The following PHF24 variants were observed in gnomAD, a reference collection of about 807,000 sequenced individuals.
PHF24 encodes the protein Galpha inhibitory interacting protein.
A neutral mutation model predicts 42.6 loss-of-function variants in PHF24; 25 were observed. The observed-to-expected ratio is 0.59, with a 90% CI of 0.43 to 0.82. The LOEUF is 0.82. Among genes scored for constraint, PHF24 ranks in the 40% least tolerant of loss-of-function variants. PHF24 has a pLI of 0.00. For synonymous variants in PHF24, 185 were observed against 204.8 expected, an observed-to-expected ratio of 0.90 and a Z score of 0.83; for missense variants, 470 against 538.1, an observed-to-expected ratio of 0.87 and a Z score of 1.25.
chr9:34,667,165 C>G, the PHF24 span, among the ~76,000 whole-genome samples: 1 of 152,184 alleles, frequency 6.6e-6, no homozygotes, highest in African/African-American at 2.4e-5. Context: ...AGTCAAGGCC[C>G]AGTACTGAGC....
chr9:34,684,785 A>G, the PHF24 span, among the ~76,000 whole-genome samples: 1 of 152,278 alleles, frequency 6.6e-6, no homozygotes, highest in African/African-American at 2.4e-5. Flanking sequence ...TCTGAGATCA[A>G]AAGCCCTAGG....
chr9:34,691,172 G>T, the PHF24 span: 3 of 1,608,002 alleles, frequency 1.9e-6, no homozygotes, highest in Non-Finnish European at 2.6e-6. Flanking sequence ...AACGGTGAAT[G>T]TGTGAGCGCC....
the PHF24 span, among the ~76,000 whole-genome samples, chr9:34,846,758 T>A: frequency 6.6e-6 from 1 of 152,302 alleles, no homozygotes; most frequent in East Asian, 1.9e-4. Flanking sequence ...CTTTAATCCA[T>A]CTTGAATTAA....
upstream of PHF24, among the ~76,000 whole-genome samples, chr9:34,955,279 T>C (rs1186634946): frequency 1.3e-5 from 2 of 149,466 alleles, no homozygotes; most frequent in African/African-American, 4.9e-5. Flanking sequence ...TCAGACCACC[T>C]CAGAATATTT....
At chr9:34,877,252 G>A in the PHF24 span, among the ~76,000 whole-genome samples, 4 of 146,210 alleles carry the variant, frequency 2.7e-5, no homozygotes, top group South Asian at 8.6e-4. Flanking sequence ...CTGCACTCCA[G>A]CCTGAGCAAC....
chr9:34,723,873 G>A, the PHF24 span: 1 of 1,551,706 alleles, frequency 6.4e-7, no homozygotes, highest in Non-Finnish European at 8.7e-7. Context: ...GGAGGTAGCT[G>A]TGGGAGCTTA....
chr9:34,729,151 A>C, the PHF24 span: 6 of 1,112,086 alleles, frequency 5.4e-6, no homozygotes, highest in African/African-American at 9.5e-5. Context: ...GTCTCTGAGA[A>C]GAAAAGTATT....
chr9:34,943,187 G>GT, the PHF24 span, among the ~76,000 whole-genome samples: 1 of 152,058 alleles, frequency 6.6e-6, no homozygotes, highest in Non-Finnish European at 1.5e-5. Context: ...ATGTGGTACT[G>GT]TTTTTTTGTT....
the PHF24 span, among the ~76,000 whole-genome samples, chr9:34,682,769 C>A: frequency 1.3e-5 from 2 of 152,114 alleles, no homozygotes; most frequent in Non-Finnish European, 2.9e-5. Context: ...AATCATAGGA[C>A]TGTGAATAGG....
the PHF24 span, among the ~76,000 whole-genome samples, chr9:34,735,070 T>G: frequency 6.6e-6 from 1 of 152,112 alleles, no homozygotes; most frequent in Admixed American, 6.5e-5. Context: ...GTGATCATTT[T>G]CAGGTATAAA....
the PHF24 span, among the ~76,000 whole-genome samples, chr9:34,877,724 CAG>C: frequency 2.0e-5 from 3 of 151,990 alleles, no homozygotes; most frequent in South Asian, 2.1e-4. Flanking sequence ...AGGTAGAACA[CAG>C]GGGATTTTTT....
the PHF24 span, among the ~76,000 whole-genome samples, chr9:34,863,415 CAGAGAG>C: frequency 0.029 from 4,236 of 146,958 alleles, 121 homozygotes; most frequent in East Asian, 0.13. Flanking sequence ...GCTGGCTCAT[CAGAGAG>C]AGAGAGAGAG....
the PHF24 span, among the ~76,000 whole-genome samples, chr9:34,827,156 G>T: frequency 6.6e-6 from 1 of 152,134 alleles, no homozygotes. Context: ...CCCTAAACCA[G>T]GATGTGTGCA....
chr9:34,848,648 G>T, the PHF24 span, among the ~76,000 whole-genome samples: 1 of 151,382 alleles, frequency 6.6e-6, no homozygotes, highest in Non-Finnish European at 1.5e-5. Context: ...GCTAGCTTTT[G>T]AATGTGTTTG....
At chr9:34,910,530 G>A in the PHF24 span, among the ~76,000 whole-genome samples, 1 of 152,078 alleles carries the variant, frequency 6.6e-6, no homozygotes, top group Non-Finnish European at 1.5e-5. Flanking sequence ...ATTTCATAAT[G>A]TATATTTCAA....
chr9:34,788,238 T>C, the PHF24 span, among the ~76,000 whole-genome samples: 2 of 152,146 alleles, frequency 1.3e-5, no homozygotes, highest in Non-Finnish European at 2.9e-5. Flanking sequence ...AGACAAGGTC[T>C]TGCTATGTTG....
At chr9:34,863,397 C>T in the PHF24 span, among the ~76,000 whole-genome samples, 2 of 147,774 alleles carry the variant, frequency 1.4e-5, no homozygotes, top group Non-Finnish European at 3.0e-5. Flanking sequence ...GCTTGTGAGC[C>T]ACCCCCAGCT....
At chr9:34,932,168 C>T in the PHF24 span, among the ~76,000 whole-genome samples, 1 of 152,112 alleles carries the variant, frequency 6.6e-6, no homozygotes, top group South Asian at 2.1e-4. Context: ...ATCATCTGTA[C>T]CTGCTTTTTT....
chr9:34,838,507 T>C, the PHF24 span: 6 of 1,335,804 alleles, frequency 4.5e-6, no homozygotes, highest in South Asian at 2.6e-5. Context: ...CTAAACCTCA[T>C]TAGCATGAGA....
Sources: gnomAD v4.1 joint callset for allele counts (sites outside exome capture counted in the v4.1 genomes callset) on GRCh38, gnomAD v4.1.1 for gene constraint, MANE v1.5 for transcripts, NCBI Gene and HGNC (gene_info 2026-07-23, HGNC 2026-07-21) for gene names.